The following ANO4 variants were observed in gnomAD, a reference collection of about 807,000 sequenced individuals.
ANO4 encodes the protein anoctamin 4.
In ANO4, 69 loss-of-function variants were observed where a neutral mutation model predicts 141.9. The ratio of observed to expected loss-of-function variants is 0.49; its 90% confidence interval spans 0.40 to 0.59. The LOEUF is 0.59. ANO4 is among the 20% of genes least tolerant of loss of function. The pLI is 0.00. For missense variants in ANO4, 894 were observed against 1,162.2 expected (o/e 0.77, Z 3.36); for synonymous variants, 350 against 394.3 (o/e 0.89, Z 1.33).
chr12:100,942,162 A>C (rs1592786187), intron 4 of ANO4, among the ~76,000 whole-genome samples: 1 of 151,788 alleles, frequency 6.6e-6, no homozygotes, highest in Admixed American at 6.6e-5. Context: ...TGTATTTTTA[A>C]TAGAGACAAG....
chr12:100,874,358 C>T (rs1167235457), intron 1 of ANO4, among the ~76,000 whole-genome samples: 3 of 152,164 alleles, frequency 2.0e-5, no homozygotes, highest in African/African-American at 7.2e-5. Flanking sequence ...AAGCTGCAGG[C>T]AATCTATACC....
At chr12:100,899,764 G>T (rs1565986224) in intron 1 of ANO4, among the ~76,000 whole-genome samples, 1 of 151,738 alleles carries the variant, frequency 6.6e-6, no homozygotes, top group Non-Finnish European at 1.5e-5. Flanking sequence ...CCTGTTTCTG[G>T]GTTTTTAGTA....
chr12:100,987,328 A>G, intron 7 of ANO4: 2 of 570,210 alleles, frequency 3.5e-6, no homozygotes, highest in Admixed American at 2.7e-5. Context: ...TTTCACAAAC[A>G]GTAATAATAT....
At chr12:100,990,254 T>G (rs1037878715) in intron 8 of ANO4, among the ~76,000 whole-genome samples, 2 of 152,132 alleles carry the variant, frequency 1.3e-5, no homozygotes, top group Admixed American at 1.3e-4. Flanking sequence ...TTGTTTCACT[T>G]CAAAGGGTTA....
intron 3 of ANO4, among the ~76,000 whole-genome samples, chr12:100,769,745 A>G (rs1209049597): frequency 1.3e-5 from 2 of 152,204 alleles, no homozygotes; most frequent in Non-Finnish European, 2.9e-5. Flanking sequence ...CTCCCACCCC[A>G]TAGCTGTGTG....
At chr12:100,903,560 A>G (rs2040695958) in intron 2 of ANO4, among the ~76,000 whole-genome samples, 1 of 152,172 alleles carries the variant, frequency 6.6e-6, no homozygotes, top group Non-Finnish European at 1.5e-5. Context: ...ACTATAGTGC[A>G]TCAATCAAGG....
Position 100,722,658 on chromosome 12 carries a change from A to G in ANO4, c.22+5111A>G, listed in dbSNP as rs187655358. ...GTGAGTAATCCCCTCTGTGGGTTGT[A>G]AAACTCAGATGACAAGGACCAGCTA... On this transcript the variant is annotated intron_variant, in intron 1 of 29. Transcript: ENST00000644049. 1.6e-3 allele frequency among the ~76,000 whole-genome samples: 237 copies of G among 152,310 alleles called. 1 individual carries two copies. The highest frequency in any genetic ancestry group is 2.5e-3 in the Non-Finnish European group (173 of 68,030).
chr12:100,939,360 G>T lies in ANO4; in HGVS notation c.206G>T (p.Ser69Ile). ...NILFDELEAV[S>I]SPCKDDDSLL... ...CTTTTTGATGAATTAGAAGCTGTCA[G>T]CAGTCCTTGCAAAGATGACGATTCT... Residue 69 changes from serine to isoleucine, a missense_variant, in exon 4 of 28, where the codon AGC becomes ATC. Physicochemically the swap from Ser to Ile is moderately radical, Grantham distance 142 (BLOSUM62 -2). Around this residue, in one of 2 missense-constraint regions of ANO4, gnomAD observed 257 missense variants for 253.0 expected, o/e 1.02. Coordinates refer to ENST00000392977, the MANE Select transcript of ANO4 (RefSeq NM_001286615.2). 1 of 1,613,580 alleles carries T rather than the reference G, an allele frequency of 6.2e-7. No individual in the cohort carries two copies. The highest frequency in any genetic ancestry group is 8.5e-7 in the Non-Finnish European group (1 of 1,179,602).
At chr12:100,883,336 A>G (rs2039663727) in intron 1 of ANO4, among the ~76,000 whole-genome samples, 1 of 152,208 alleles carries the variant, frequency 6.6e-6, no homozygotes, top group Non-Finnish European at 1.5e-5. Flanking sequence ...TAAGGGCCAT[A>G]AGGTCTCTGT....
chr12:101,028,158 CA>C (rs1218617941), intron 9 of ANO4, among the ~76,000 whole-genome samples: 1 of 152,178 alleles, frequency 6.6e-6, no homozygotes, highest in African/African-American at 2.4e-5. Context: ...GAAGTCCTCA[CA>C]AAAACCCCAT....
At chr12:100,769,465 T>C (rs1278365179) in intron 3 of ANO4, among the ~76,000 whole-genome samples, 1 of 152,248 alleles carries the variant, frequency 6.6e-6, no homozygotes, top group Admixed American at 6.5e-5. Context: ...GTCTTGCCTC[T>C]ACCCTTACCA....
intron 3 of ANO4, among the ~76,000 whole-genome samples, chr12:100,769,512 C>T (rs2033212989): frequency 6.6e-6 from 1 of 152,078 alleles, no homozygotes; most frequent in African/African-American, 2.4e-5. Context: ...GACTCTGATC[C>T]TAGTTTTTCT....
At chr12:100,818,825 G>C (rs2035870126) in intron 1 of ANO4, among the ~76,000 whole-genome samples, 1 of 151,836 alleles carries the variant, frequency 6.6e-6, no homozygotes, top group Non-Finnish European at 1.5e-5. Context: ...CTGATATTTA[G>C]TGGCTAGAGG....
chr12:100,964,267 G>A (rs2043551226), intron 5 of ANO4, among the ~76,000 whole-genome samples: 1 of 152,130 alleles, frequency 6.6e-6, no homozygotes, highest in Non-Finnish European at 1.5e-5. Context: ...TTCCTTACTT[G>A]AGTAAACTTA....
intron 3 of ANO4, among the ~76,000 whole-genome samples, chr12:100,749,359 G>A (rs2032262120): frequency 6.6e-6 from 1 of 152,146 alleles, no homozygotes; most frequent in Admixed American, 6.5e-5. Context: ...GGAACCGCCT[G>A]GACTTTAGAA....
At chr12:100,894,352 T>C (rs1593665960) in intron 1 of ANO4, among the ~76,000 whole-genome samples, 1 of 152,022 alleles carries the variant, frequency 6.6e-6, no homozygotes, top group South Asian at 2.1e-4. Context: ...AGCAACAACC[T>C]ATCTTCAGGT....
At chr12:101,033,030 C>T (rs1394210845) in intron 9 of ANO4, among the ~76,000 whole-genome samples, 9 of 152,066 alleles carry the variant, frequency 5.9e-5, no homozygotes, top group Non-Finnish European at 8.8e-5. Flanking sequence ...ATGTTTATTG[C>T]GGCACTATTC....
chr12:100,890,764 A>G (rs1333966416), intron 1 of ANO4, among the ~76,000 whole-genome samples: 2 of 152,142 alleles, frequency 1.3e-5, no homozygotes, highest in Non-Finnish European at 2.9e-5. Flanking sequence ...TGGTACAATT[A>G]TTACAATTGA....
chr12:101,074,876 T>C (rs1277315104), intron 14 of ANO4, among the ~76,000 whole-genome samples: 1 of 152,168 alleles, frequency 6.6e-6, no homozygotes, highest in Non-Finnish European at 1.5e-5. Flanking sequence ...AGCATTTCAT[T>C]TATGCATTTA....
Sources: allele counts gnomAD v4.1 joint callset (sites outside exome capture counted in the v4.1 genomes callset), GRCh38; gene constraint gnomAD v4.1.1; regional missense constraint gnomAD v4.1.1; transcripts MANE v1.5; gene names NCBI Gene and HGNC (gene_info 2026-07-23, HGNC 2026-07-21).